CNTNAP5: variants seen among roughly 807,000 people sequenced by gnomAD.
CNTNAP5 encodes the protein contactin associated protein family member 5.
CNTNAP5 carries 72 observed loss-of-function variants against 150.2 expected under a neutral mutation model. The ratio of observed to expected loss-of-function variants is 0.48; its 90% CI spans 0.40 to 0.58. CNTNAP5 has a LOEUF of 0.58. Ranked by LOEUF, CNTNAP5 falls within the 20% of genes least tolerant of loss-of-function variation. CNTNAP5 has a pLI of 0.00. For synonymous variants in CNTNAP5, 672 were observed against 619.8 expected (o/e 1.08, Z -1.25); for missense variants, 1,636 against 1,626.2 (o/e 1.01, Z -0.10).
chr2:124,107,345 A>C (rs1683191520), intron 1 of CNTNAP5, among the ~76,000 whole-genome samples: 1 of 152,178 alleles, frequency 6.6e-6, no homozygotes, highest in South Asian at 2.1e-4. Flanking sequence ...CTTCAAGTGA[A>C]CTTTTTGTCT....
At chr2:124,311,752 CAG>C (rs1402489424) in intron 3 of CNTNAP5, among the ~76,000 whole-genome samples, 2 of 152,180 alleles carry the variant, frequency 1.3e-5, no homozygotes, top group African/African-American at 4.8e-5. Context: ...TGTATTCACT[CAG>C]TGAAACTTTG....
In CNTNAP5 at chr2:124,920,791, G is replaced by T. The variant is rs1678856633; in HGVS notation, c.*6503G>T. ...ATAGAGCATTACAGTGTCTGTTTCA[G>T]ATGGGAAGTAAGTCTTCCTATGGCA... On this transcript the variant is annotated 3_prime_UTR_variant, in exon 24 of 24. Coordinates refer to ENST00000682447, the MANE Select transcript of CNTNAP5 (RefSeq NM_001367498.1). 1.3e-5 allele frequency among the ~76,000 whole-genome samples: 2 copies of T among 152,152 alleles called. No individual in the cohort carries two copies. Among genetic ancestry groups the T allele is most frequent in the Admixed American group, 1.3e-4 (2 of 15,260 alleles).
intron 13 of CNTNAP5, among the ~76,000 whole-genome samples, chr2:124,648,565 AATTT>A (rs2105028729): frequency 6.6e-6 from 1 of 152,288 alleles, no homozygotes; most frequent in South Asian, 2.1e-4. Flanking sequence ...ACTGCATATG[AATTT>A]ATTTATTTTC....
chr2:124,367,804 G>A (rs1558870712), intron 3 of CNTNAP5, among the ~76,000 whole-genome samples: 1 of 152,128 alleles, frequency 6.6e-6, no homozygotes, highest in African/African-American at 2.4e-5. Flanking sequence ...CTTTTATTAT[G>A]GCTGCTTAAT....
intron 19 of CNTNAP5, among the ~76,000 whole-genome samples, chr2:124,860,051 A>T (rs1443262132): frequency 1.3e-5 from 2 of 152,046 alleles, no homozygotes; most frequent in African/African-American, 4.8e-5. Context: ...TAGAACTTAA[A>T]GTATAAAAAA....
At chr2:124,487,275 AT>A (rs1429384699) in intron 7 of CNTNAP5, among the ~76,000 whole-genome samples, 1 of 152,224 alleles carries the variant, frequency 6.6e-6, no homozygotes, top group Non-Finnish European at 1.5e-5. Flanking sequence ...CTCTTTAAAA[AT>A]ATTAATGATC....
At chr2:124,763,073 C>G (rs1297281009) in intron 14 of CNTNAP5, among the ~76,000 whole-genome samples, 1 of 151,874 alleles carries the variant, frequency 6.6e-6, no homozygotes, top group Non-Finnish European at 1.5e-5. Context: ...AAACTTTATC[C>G]AAAGGTGATT....
intron 3 of CNTNAP5, among the ~76,000 whole-genome samples, chr2:124,251,762 T>G (rs995012262): frequency 1.3e-5 from 2 of 152,184 alleles, no homozygotes; most frequent in Admixed American, 6.6e-5. Context: ...GTGCTATGAT[T>G]TTTTTCTCCC....
At chr2:124,145,992 C>G (rs997419998) in intron 1 of CNTNAP5, among the ~76,000 whole-genome samples, 2 of 151,892 alleles carry the variant, frequency 1.3e-5, no homozygotes, top group Non-Finnish European at 1.5e-5. Flanking sequence ...GGCATTTGTA[C>G]AGCAATTTTT....
At chr2:124,602,910 T>C (rs1697016600) in intron 11 of CNTNAP5, among the ~76,000 whole-genome samples, 1 of 152,202 alleles carries the variant, frequency 6.6e-6, no homozygotes, top group Non-Finnish European at 1.5e-5. Flanking sequence ...CACACTGCCA[T>C]AATTGTAACT....
chr2:124,116,198 T>C (rs955257364), intron 1 of CNTNAP5, among the ~76,000 whole-genome samples: 1 of 152,172 alleles, frequency 6.6e-6, no homozygotes, highest in African/African-American at 2.4e-5. Context: ...GACTGGATAG[T>C]AGCTGAGGTT....
intron 19 of CNTNAP5, among the ~76,000 whole-genome samples, chr2:124,845,909 C>T (rs891193428): frequency 8.6e-5 from 13 of 151,592 alleles, no homozygotes; most frequent in Non-Finnish European, 1.9e-4. Flanking sequence ...AATGGTCTAT[C>T]AATTTTATTT....
chr2:124,256,134 A>T lies in CNTNAP5; in HGVS notation c.381+13741A>T, dbSNP rs114498815. 7.5e-3 allele frequency among the ~76,000 whole-genome samples: 1,148 copies of T among 152,246 alleles called. 16 individuals are homozygous for T. Among genetic ancestry groups the T allele is most frequent in the African/African-American group, 0.026 (1,066 of 41,550 alleles). ...CTCAGGAAAATATGGTACATTGCTT[A>T]CATCTGTTGTTCTAGAGTAATTATT... On this transcript the variant is annotated intron_variant, in intron 3 of 23. Coordinates refer to ENST00000682447, the MANE Select transcript of CNTNAP5 (RefSeq NM_001367498.1).
At chr2:124,122,530 T>C (rs940052579) in intron 1 of CNTNAP5, among the ~76,000 whole-genome samples, 1 of 152,166 alleles carries the variant, frequency 6.6e-6, no homozygotes, top group African/African-American at 2.4e-5. Context: ...AACCCTTTTA[T>C]GAGGTTCACT....
At chr2:124,362,111 G>T (rs577562687) in intron 3 of CNTNAP5, among the ~76,000 whole-genome samples, 2 of 152,218 alleles carry the variant, frequency 1.3e-5, no homozygotes, top group Non-Finnish European at 2.9e-5. Flanking sequence ...ACTCGGAAAG[G>T]GAACTCCCTG....
At chr2:124,484,230 T>A (rs1693820353) in intron 7 of CNTNAP5, among the ~76,000 whole-genome samples, 1 of 152,214 alleles carries the variant, frequency 6.6e-6, no homozygotes, top group Non-Finnish European at 1.5e-5. Context: ...AAGCTCAAGG[T>A]GGGACTGTGG....
chr2:124,700,716 GCC>G (rs2105089495), intron 13 of CNTNAP5, among the ~76,000 whole-genome samples: 1 of 151,774 alleles, frequency 6.6e-6, no homozygotes, highest in South Asian at 2.1e-4. Flanking sequence ...TATATACTAG[GCC>G]CTTGTCTGAT....
chr2:124,631,621 A>T (rs1677862291), intron 12 of CNTNAP5, among the ~76,000 whole-genome samples: 1 of 152,214 alleles, frequency 6.6e-6, no homozygotes, highest in Admixed American at 6.5e-5. Flanking sequence ...AACAAACCCT[A>T]GAAGAGAATC....
chr2:124,368,153 A>G (rs1186641564), intron 3 of CNTNAP5, among the ~76,000 whole-genome samples: 1 of 152,224 alleles, frequency 6.6e-6, no homozygotes, highest in Non-Finnish European at 1.5e-5. Flanking sequence ...AATAATAAAT[A>G]GCAAGTTTGA....
Sources: gnomAD v4.1 joint callset for allele counts (sites outside exome capture counted in the v4.1 genomes callset) on GRCh38, gnomAD v4.1.1 for gene constraint, MANE v1.5 for transcripts, NCBI Gene and HGNC (gene_info 2026-07-23, HGNC 2026-07-21) for gene names.